The following UBE4A variants were observed in gnomAD, a reference collection of about 807,000 sequenced individuals.
UBE4A encodes ubiquitin conjugation factor E4 A.
A neutral mutation model predicts 117.9 loss-of-function variants in UBE4A; 48 were observed. That is an observed-to-expected ratio of 0.41 (90% CI 0.32 to 0.52). UBE4A has a LOEUF of 0.52. Ranked by LOEUF, UBE4A falls within the 20% of genes least tolerant of loss-of-function variation. The pLI, the probability that UBE4A is intolerant of heterozygous loss-of-function variation, is 0.33. For synonymous variants in UBE4A, 407 were observed against 450.0 expected (o/e 0.90, Z 1.21); for missense variants, 1,067 against 1,296.3 (o/e 0.82, Z 2.72).
intron 11 of UBE4A, among the ~76,000 whole-genome samples, chr11:118,380,116 AGTGTGTGTGTGTGTGTGCGTGTGT>A (rs1200621077): frequency 1.4e-5 from 2 of 142,592 alleles, no homozygotes; most frequent in Non-Finnish European, 3.1e-5. Flanking sequence ...GAAGGGAAAG[AGTGTGTGTGTGTGTGTGCGTGTGT>A]GTGTGTGTGT....
chr11:118,389,171 T>G lies in UBE4A; in HGVS notation c.2588-554T>G, dbSNP rs183061513. Among the ~76,000 whole-genome samples the G allele has an allele frequency of 2.2e-3, 333 of 152,242 alleles. 2 individuals are homozygous for G. The highest frequency in any genetic ancestry group is 7.6e-3 in the African/African-American group (314 of 41,538). On this transcript the variant is annotated intron_variant, in intron 16 of 19. Transcript: ENST00000252108. ...GAATCACCCCTATTCTATAGAACTT[T>G]CTGTGATGGTGAAAATGTCCTATAA...
intron 4 of UBE4A, 118 bp downstream of exon 4, chr11:118,369,653 T>C: frequency 3.0e-6 from 2 of 666,322 alleles, no homozygotes; most frequent in Non-Finnish European, 2.5e-6. Flanking sequence ...TCTCTTTTTT[T>C]TTTTTTTTTT....
chr11:118,390,733 C>T lies in UBE4A; in HGVS notation c.2845C>T (p.Arg949Ter). The change falls in exon 18 of 20, where the codon CGA becomes TGA. Residue 949 changes from arginine to a stop codon, truncating the protein, a stop_gained. Transcript: ENST00000252108. LOFTEE classifies it high-confidence loss of function. ...YSPTLFAQTV[R>*]VLKKINKPGN... ...CCCAACTCTCTTTGCACAGACAGTT[C>T]GAGTCTTGAAGAAAATAAATAAGCC... 1 of 1,605,090 alleles carries T rather than the reference C, an allele frequency of 6.2e-7. No individual in the cohort carries two copies. The highest frequency in any genetic ancestry group is 8.5e-7 in the Non-Finnish European group (1 of 1,175,858).
rs1171861795 is a variant in UBE4A, at chr11:118,397,471, A to C, written c.*1031A>C. The C allele has an allele frequency of 6.6e-6, 1 of 152,240 alleles. No homozygotes were observed. The highest frequency in any genetic ancestry group is 2.4e-5 in the African/African-American group (1 of 41,464). The allele number at this position is 152,240 out of a possible 1,614,324, so 9.4% of individuals were successfully genotyped here. On this transcript the variant is annotated 3_prime_UTR_variant, in exon 20 of 20. Transcript: ENST00000252108. Reference sequence around the variant, plus strand: ...TGTTTGAGCTTGTGACCTGACTTCTAAGAGCTACTTCTAACACAGCCTTAG... The same window carrying C: ...TGTTTGAGCTTGTGACCTGACTTCTCAGAGCTACTTCTAACACAGCCTTAG...
Position 118,365,046 on chromosome 11 carries a change from C to T in UBE4A, c.-35C>T, listed in dbSNP as rs950749096. ...ATACCTGTCCTTTGAACAGCCTCTC[C>T]CACTAGGTCTGGATGGAGGATACCT... On this transcript the variant is annotated 5_prime_UTR_variant, in exon 2 of 20. Coordinates refer to ENST00000252108, the MANE Select transcript of UBE4A (RefSeq NM_001204077.2). 1.2e-6 allele frequency: 2 copies of T among 1,606,376 alleles called. No individual in the cohort carries two copies. The highest frequency in any genetic ancestry group is 1.7e-6 in the Non-Finnish European group (2 of 1,176,280).
intron 19 of UBE4A, 58 bp from the exon 20 acceptor site, chr11:118,396,256 G>A (rs1361331688): frequency 6.4e-7 from 1 of 1,563,120 alleles, no homozygotes; most frequent in East Asian, 2.4e-5. Flanking sequence ...TCTGTTTTTG[G>A]CTTAGAATGT....
At chr11:118,373,026 T>G in intron 6 of UBE4A, 60 bp from the exon 7 acceptor site, 26 of 1,346,412 alleles carry the variant, frequency 1.9e-5, no homozygotes, top group South Asian at 2.5e-5. Flanking sequence ...AAAGAGCTAG[T>G]GTGTAAAGGC....
chr11:118,365,318 T>TTTTG, intron 2 of UBE4A, 117 bp downstream of exon 2: 1 of 1,400,806 alleles, frequency 7.1e-7, no homozygotes, highest in Non-Finnish European at 9.3e-7. Flanking sequence ...AAAAGTTGGT[T>TTTTG]TTTGTTTGTT....
intron 4 of UBE4A, among the ~76,000 whole-genome samples, chr11:118,370,429 T>C (rs1948599979): frequency 6.6e-6 from 1 of 152,096 alleles, no homozygotes; most frequent in African/African-American, 2.4e-5. Flanking sequence ...TTACCAGCCC[T>C]GGCAACATAA....
At chr11:118,393,532 CAAGCGA>C (rs1948839264) in intron 19 of UBE4A, among the ~76,000 whole-genome samples, 3 of 152,060 alleles carry the variant, frequency 2.0e-5, no homozygotes, top group Non-Finnish European at 4.4e-5. Context: ...CTCCTGGGTT[CAAGCGA>C]TCCAACCGCC....
chr11:118,378,800 G>A (rs1948675478), intron 10 of UBE4A: 1 of 152,252 alleles, frequency 6.6e-6, no homozygotes, highest in Non-Finnish European at 1.5e-5. Context: ...ATTATCTACA[G>A]GGCCAAAGGA....
In UBE4A at chr11:118,396,713, T is replaced by C; in HGVS notation, c.*273T>C. Reference sequence around the variant, plus strand: ...ACTAATTTTCACCCTCTGTTGTCTCTTCATATTCTTCTTCCTTTTCCTAAA... The same window carrying C: ...ACTAATTTTCACCCTCTGTTGTCTCCTCATATTCTTCTTCCTTTTCCTAAA... On this transcript the variant is annotated 3_prime_UTR_variant, in exon 20 of 20. Transcript: ENST00000252108. 1 of 250,624 alleles carries C rather than the reference T, an allele frequency of 4.0e-6. No individual in the cohort carries two copies. The highest frequency in any genetic ancestry group is 7.5e-6 in the Non-Finnish European group (1 of 133,410). The allele number at this position is 250,624 out of a possible 1,614,324, so 15.5% of individuals were successfully genotyped here.
At position 118,390,803 on chromosome 11, in the gene UBE4A, A is replaced by C; in HGVS notation, c.2915A>C (p.Lys972Thr). The C allele has an allele frequency of 6.2e-7, 1 of 1,609,710 alleles. No individual in the cohort carries two copies. The highest frequency in any genetic ancestry group is 8.5e-7 in the Non-Finnish European group (1 of 1,177,470). Reference sequence around the variant, plus strand: ...TTCAGCAACTTGGCAGAGAGAATCAAGGTGAGGAAGAGGAGGAATTGTTTG... The same window carrying C: ...TTCAGCAACTTGGCAGAGAGAATCACGGTGAGGAAGAGGAGGAATTGTTTG... ...MAFSNLAERI[K>T]SLADLQQQEE... is the part of the protein sequence containing the mutation. Residue 972 changes from lysine (K) to threonine (T), a missense_variant and splice_region_variant, in exon 18 of 20, where the codon AAG becomes ACG. Transcript: ENST00000252108.
At chr11:118,378,684 A>C (rs1555125783) in intron 10 of UBE4A, 1 of 152,260 alleles carries the variant, frequency 6.6e-6, no homozygotes. Flanking sequence ...GACATTTTAA[A>C]TAAGACAGTA....
rs1555129751 is a variant in UBE4A at position 118,396,445 on chromosome 11, T to A, written c.*5T>A. The A allele has an allele frequency of 6.2e-7, 1 of 1,612,746 alleles. No individual in the cohort carries two copies. The highest frequency in any genetic ancestry group is 8.5e-7 in the Non-Finnish European group (1 of 1,179,354). ...CAAAAGGAGCAACTTGAATAGATACTGTGAACTAACCAAACCAAAACCAAC... is the reference window on the plus strand; with the variant it reads ...CAAAAGGAGCAACTTGAATAGATACAGTGAACTAACCAAACCAAAACCAAC... On this transcript the variant is annotated 3_prime_UTR_variant, in exon 20 of 20. Transcript: ENST00000252108.
At chr11:118,387,702 G>A (rs1948772373) in intron 16 of UBE4A, among the ~76,000 whole-genome samples, 1 of 152,188 alleles carries the variant, frequency 6.6e-6, no homozygotes, top group Non-Finnish European at 1.5e-5. Flanking sequence ...CCCTAAAATA[G>A]CCCAGAGAAG....
At chr11:118,377,703 A>C (rs1241924069) in intron 10 of UBE4A, among the ~76,000 whole-genome samples, 1 of 149,350 alleles carries the variant, frequency 6.7e-6, no homozygotes, top group Non-Finnish European at 1.5e-5. Flanking sequence ...ACTTGAGCCC[A>C]GGAGTTTGAG....
chr11:118,369,604 G>T, intron 4 of UBE4A, 69 bp downstream of exon 4: 6 of 1,066,362 alleles, frequency 5.6e-6, no homozygotes, highest in East Asian at 2.6e-5. Context: ...TCTGCTCACT[G>T]TTCTCCAACT....
At chr11:118,390,380 A>G (rs1389721791) in intron 17 of UBE4A, among the ~76,000 whole-genome samples, 5 of 145,734 alleles carry the variant, frequency 3.4e-5, no homozygotes, top group Non-Finnish European at 7.5e-5. Context: ...TATATAATAT[A>G]TTTAATATAT....
Sources: gnomAD v4.1 joint callset for allele counts (sites outside exome capture counted in the v4.1 genomes callset) on GRCh38, gnomAD v4.1.1 for gene constraint, MANE v1.5 for transcripts, NCBI Gene and HGNC (gene_info 2026-07-23, HGNC 2026-07-21) for gene names.